The following BICC1 variants were observed in gnomAD, a reference collection of about 807,000 sequenced individuals.
The protein encoded by BICC1 is BicC family RNA binding protein 1, also known as protein bicaudal C homolog 1.
BICC1 carries 43 observed loss-of-function variants against 111.0 expected under a neutral mutation model. The observed-to-expected ratio is 0.39, with a 90% CI of 0.30 to 0.50. The LOEUF (loss-of-function observed/expected upper bound fraction) is 0.50, where lower values mean the gene tolerates loss of function less well. Among genes scored for constraint, BICC1 ranks in the 20% least tolerant of loss-of-function variants. The probability of loss-of-function intolerance (pLI) is 0.88; values close to 1 mark genes in which losing one functional copy is unlikely to be tolerated. For missense variants in BICC1, 1,091 were observed against 1,203.2 expected (o/e 0.91, Z 1.38); for synonymous variants, 467 against 434.4 (o/e 1.07, Z -0.93).
intron 1 of BICC1, among the ~76,000 whole-genome samples, chr10:58,610,449 T>G (rs1026482556): frequency 4.6e-5 from 7 of 152,146 alleles, no homozygotes; most frequent in Non-Finnish European, 8.8e-5. Flanking sequence ...TTAGACAGAT[T>G]AGGAATCCTC....
intron 19 of BICC1, among the ~76,000 whole-genome samples, chr10:58,819,538 A>G (rs140330427): frequency 2.6e-5 from 4 of 152,302 alleles, no homozygotes; most frequent in East Asian, 1.9e-4. Flanking sequence ...TTGAAGATTC[A>G]TTTAGCAACT....
chr10:58,768,229 A>G (rs1258058558), intron 3 of BICC1, among the ~76,000 whole-genome samples: 3 of 152,200 alleles, frequency 2.0e-5, no homozygotes, highest in Non-Finnish European at 4.4e-5. Flanking sequence ...GAAGACTGTC[A>G]GTTAGACTAT....
At chr10:58,664,710 A>G (rs1588991309) in intron 2 of BICC1, among the ~76,000 whole-genome samples, 1 of 150,470 alleles carries the variant, frequency 6.6e-6, no homozygotes, top group Non-Finnish European at 1.5e-5. Context: ...TTTTCCCTCC[A>G]CTTTTGTGTC....
Position 58,513,358 on chromosome 10 carries a change from C to T in BICC1, c.190+25C>T, listed in dbSNP as rs1213718872. 4.5e-6 allele frequency: 7 copies of T among 1,571,970 alleles called. No homozygotes were observed. In the South Asian group the frequency reaches 4.6e-5, roughly 10 times the overall value. On this transcript the variant is annotated intron_variant, in intron 1 of 20. Coordinates refer to ENST00000373886, the MANE Select transcript of BICC1 (RefSeq NM_001080512.3). ...GGTAGGCATCCCTCGTGTTCTCGGA[C>T]TCTCCGACTGAGCCTCTAACTCCTT...
At chr10:58,639,995 T>A (rs1187148829) in intron 2 of BICC1, among the ~76,000 whole-genome samples, 1 of 152,116 alleles carries the variant, frequency 6.6e-6, no homozygotes, top group African/African-American at 2.4e-5. Flanking sequence ...CGGGGTCCAG[T>A]GCAACAAAGA....
intron 3 of BICC1, among the ~76,000 whole-genome samples, chr10:58,753,737 C>T (rs1842058367): frequency 6.6e-6 from 1 of 151,862 alleles, no homozygotes; most frequent in African/African-American, 2.4e-5. Flanking sequence ...TTTCTTCATC[C>T]CTCCTTTATA....
intron 2 of BICC1, among the ~76,000 whole-genome samples, chr10:58,694,546 G>A (rs1435760092): frequency 6.6e-6 from 1 of 152,182 alleles, no homozygotes; most frequent in Non-Finnish European, 1.5e-5. Flanking sequence ...AAATTCATGC[G>A]TAGTGGAACT....
chr10:58,693,059 A>G (rs1839959434), intron 2 of BICC1, among the ~76,000 whole-genome samples: 1 of 151,448 alleles, frequency 6.6e-6, no homozygotes, highest in Non-Finnish European at 1.5e-5. Flanking sequence ...CCCTTCCTCT[A>G]TCTATGTGTT....
intron 3 of BICC1, among the ~76,000 whole-genome samples, chr10:58,721,892 A>G (rs1840951133): frequency 6.6e-6 from 1 of 152,182 alleles, no homozygotes; most frequent in South Asian, 2.1e-4. Context: ...GGACCCAGCC[A>G]TATGATTGTT....
chr10:58,627,725 T>A (rs1837673798), intron 2 of BICC1, among the ~76,000 whole-genome samples: 1 of 152,238 alleles, frequency 6.6e-6, no homozygotes, highest in African/African-American at 2.4e-5. Flanking sequence ...CAATGTCATG[T>A]GATTCAAATT....
Position 58,634,149 on chromosome 10 carries a change from G to C in BICC1, c.237+13248G>C, listed in dbSNP as rs113614304. Among the ~76,000 whole-genome samples the C allele has an allele frequency of 3.2e-3, 482 of 151,888 alleles. 3 individuals are homozygous for C. The highest frequency in any genetic ancestry group is 0.011 in the African/African-American group (464 of 41,444). ...TGGGATTACAGGTGCACGCCACCAC[G>C]ACTGGCTAATTTTTTGTATTTTTAG... is the stretch of plus-strand genomic sequence containing the variant. On this transcript the variant is annotated intron_variant, in intron 2 of 20. Transcript: ENST00000373886.
At chr10:58,775,393 AAAACAAAAAAAAAC>A (rs1278952807) in intron 3 of BICC1, among the ~76,000 whole-genome samples, 1 of 151,958 alleles carries the variant, frequency 6.6e-6, no homozygotes, top group African/African-American at 2.4e-5. Flanking sequence ...CAAAAAACAA[AAAACAAAAAAAAAC>A]AAACAAAAAA....
In BICC1 at chr10:58,785,100, A is replaced by G. The variant is rs1293077884; in HGVS notation, c.387+20A>G. 2.0e-6 allele frequency: 3 copies of G among 1,477,842 alleles called. No homozygotes were observed. The highest frequency in any genetic ancestry group is 2.8e-6 in the Non-Finnish European group (3 of 1,082,652). 91.5% of individuals were successfully genotyped at this position (1,477,842 alleles called of 1,614,324 possible). A position where few individuals can be genotyped will look rare whatever the true frequency, so the allele number is the denominator to read the frequency against. On this transcript the variant is annotated intron_variant, in intron 4 of 20. Coordinates refer to ENST00000373886, the MANE Select transcript of BICC1 (RefSeq NM_001080512.3). ...ACAAAAGTAAGTGAATGTTAAGGAC[A>G]CTCAGATGTCAGAACCTTGTCTCTA...
At chr10:58,688,958 C>G (rs1414143747) in intron 2 of BICC1, among the ~76,000 whole-genome samples, 1 of 151,848 alleles carries the variant, frequency 6.6e-6, no homozygotes, top group Admixed American at 6.6e-5. Flanking sequence ...CAGCAAACTA[C>G]CATGGCACAT....
At chr10:58,601,996 C>T (rs1845057989) in intron 1 of BICC1, among the ~76,000 whole-genome samples, 1 of 152,046 alleles carries the variant, frequency 6.6e-6, no homozygotes, top group Non-Finnish European at 1.5e-5. Context: ...CTTGATAGAG[C>T]ATTGCCAACT....
At chr10:58,543,370 G>A (rs940199362) in intron 1 of BICC1, among the ~76,000 whole-genome samples, 1 of 152,094 alleles carries the variant, frequency 6.6e-6, no homozygotes, top group Non-Finnish European at 1.5e-5. Flanking sequence ...ATGAAGAAAG[G>A]GAGAGTTGTT....
At chr10:58,565,864 T>C (rs1446752408) in intron 1 of BICC1, among the ~76,000 whole-genome samples, 2 of 152,190 alleles carry the variant, frequency 1.3e-5, no homozygotes, top group Non-Finnish European at 2.9e-5. Flanking sequence ...GGTGTTTGGT[T>C]ACATGCATAA....
intron 12 of BICC1, among the ~76,000 whole-genome samples, chr10:58,799,483 G>A (rs1358709719): frequency 6.6e-6 from 1 of 152,064 alleles, no homozygotes; most frequent in Non-Finnish European, 1.5e-5. Flanking sequence ...TGTTACATGG[G>A]GAAATTGCAT....
intron 2 of BICC1, among the ~76,000 whole-genome samples, chr10:58,675,935 C>A (rs891917130): frequency 1.3e-5 from 2 of 152,276 alleles, no homozygotes; most frequent in African/African-American, 4.8e-5. Flanking sequence ...CTGAGGTACC[C>A]GGTTCATCTC....
Sources: gnomAD v4.1 joint callset for allele counts (sites outside exome capture counted in the v4.1 genomes callset) on GRCh38, gnomAD v4.1.1 for gene constraint, MANE v1.5 for transcripts, NCBI Gene and HGNC (gene_info 2026-07-23, HGNC 2026-07-21) for gene names.